Variants in CCND2 observed in about 807,000 individuals in gnomAD.
The protein encoded by CCND2 is cyclin D2.
In CCND2, 6 loss-of-function variants were observed where a neutral mutation model predicts 30.2. That is an observed-to-expected ratio of 0.20 (90% CI 0.11 to 0.39). The LOEUF (loss-of-function observed/expected upper bound fraction) is 0.39, where lower values mean the gene tolerates loss of function less well. CCND2 is among the 10% of genes least tolerant of loss of function. The pLI, the probability that CCND2 is intolerant of heterozygous loss-of-function variation, is 1.00. For missense variants in CCND2, 235 were observed against 373.4 expected (o/e 0.63, Z 3.06); for synonymous variants, 150 against 153.1 (o/e 0.98, Z 0.15).
intron 4 of CCND2, among the ~76,000 whole-genome samples, chr12:4,298,689 A>G (rs536661204): frequency 9.8e-4 from 150 of 152,388 alleles, no homozygotes; most frequent in Non-Finnish European, 1.6e-3. Flanking sequence ...GTTCAATTTA[A>G]CATATTTGCC....
chr12:4,293,351 T>C lies in CCND2; in HGVS notation c.720+4361T>C, dbSNP rs1272642817. On this transcript the variant is annotated intron_variant, in intron 4 of 4. Coordinates refer to ENST00000261254, the MANE Select transcript of CCND2 (RefSeq NM_001759.4). This position sits in a 1 kb window ranked among gnomAD's most constrained non-coding sequence, Gnocchi z 4.9. ...AGACTCTAGTCATCTGTTCCTTATA[T>C]TTATCCTTTTTTGTCTAAGTCACAT... is the stretch of plus-strand genomic sequence containing the variant. Among the ~76,000 whole-genome samples the C allele has an allele frequency of 6.6e-6, 1 of 152,244 alleles. No individual in the cohort carries two copies. The highest frequency in any genetic ancestry group is 1.9e-4 in the East Asian group (1 of 5,206).
chr12:4,274,314 G>A lies in CCND2; in HGVS notation c.195+79G>A. On this transcript the variant is annotated intron_variant, in intron 1 of 4. Transcript: ENST00000261254. This position sits in a 1 kb window ranked among gnomAD's most constrained non-coding sequence, Gnocchi z 7.7. ...TCCCCGGCCGGAGCCCTAAACCTGGGAGAGGGCAATCCCCGCGCCGGCCTC... is the reference window on the plus strand; with the variant it reads ...TCCCCGGCCGGAGCCCTAAACCTGGAAGAGGGCAATCCCCGCGCCGGCCTC... The A allele has an allele frequency of 2.0e-6, 3 of 1,481,488 alleles. No homozygotes were observed. Among genetic ancestry groups the A allele is most frequent in the Non-Finnish European group, 1.9e-6 (2 of 1,077,322 alleles). 91.8% of individuals were successfully genotyped at this position (1,481,488 alleles called of 1,614,324 possible). A position where few individuals can be genotyped will look rare whatever the true frequency, so the allele number is the denominator to read the frequency against.
chr12:4,277,564 T>C (rs1309563856), intron 2 of CCND2, among the ~76,000 whole-genome samples: 1 of 152,262 alleles, frequency 6.6e-6, no homozygotes, highest in Non-Finnish European at 1.5e-5. Context: ...CACCCAAATC[T>C]TTCCAGGACT....
rs951790727 is a variant in CCND2 at position 4,297,906 on chromosome 12, G to A, written c.721-1954G>A. The A allele has an allele frequency of 3.9e-5, 17 of 432,948 alleles. No homozygotes were observed. The East Asian group carries it at 4.2e-4, about 11-fold the overall frequency. The allele number at this position is 432,948 out of a possible 1,614,324, so 26.8% of individuals were successfully genotyped here. A position where few individuals can be genotyped will look rare whatever the true frequency, so the allele number is the denominator to read the frequency against. The stretch of plus-strand genomic sequence containing the variant: ...ACGGAGACTCCTGCTGCTGCGTCAC[G>A]TCTGTCATGTTCAGCACTCTTCCCA... On this transcript the variant is annotated intron_variant, in intron 4 of 4. Coordinates refer to ENST00000261254, the MANE Select transcript of CCND2 (RefSeq NM_001759.4).
rs1055695076 is a variant in CCND2 at position 4,293,553 on chromosome 12, G to A, written c.720+4563G>A. ...CCCAATAGGGAGTGTTTCAACTCTC[G>A]TCCCTGTCCCTAGACACATTCTTAA... On this transcript the variant is annotated intron_variant, in intron 4 of 4. Coordinates refer to ENST00000261254, the MANE Select transcript of CCND2 (RefSeq NM_001759.4). The surrounding 1 kb of genome is among the most constrained non-coding windows in gnomAD (Gnocchi z 4.9). 3.3e-5 allele frequency among the ~76,000 whole-genome samples: 5 copies of A among 152,154 alleles called. No homozygotes were observed. The highest frequency in any genetic ancestry group is 1.3e-4 in the Admixed American group (2 of 15,278).
At position 4,276,321 on chromosome 12, in the gene CCND2, C is replaced by G; in HGVS notation, c.411+101C>G. The stretch of plus-strand genomic sequence containing the variant: ...CACTGCCAGAGCAAATTCTTGGGAT[C>G]CAGAATGACCCCACCAATAGAATTT... On this transcript the variant is annotated intron_variant, in intron 2 of 4. Transcript: ENST00000261254. This position sits in a 1 kb window ranked among gnomAD's most constrained non-coding sequence, Gnocchi z 4.8. 1 of 895,018 alleles carries G rather than the reference C, an allele frequency of 1.1e-6. No homozygotes were observed. Among genetic ancestry groups the G allele is most frequent in the Non-Finnish European group, 1.7e-6 (1 of 578,562 alleles). 55.4% of individuals were successfully genotyped at this position (895,018 alleles called of 1,614,324 possible). A position where few individuals can be genotyped will look rare whatever the true frequency, so the allele number is the denominator to read the frequency against.
chr12:4,284,823 A>G (rs1256350119), intron 3 of CCND2, among the ~76,000 whole-genome samples: 4 of 149,446 alleles, frequency 2.7e-5, no homozygotes, highest in Middle Eastern at 3.4e-3. Context: ...GCAACCTCCA[A>G]CTCCCGGGTT....
rs1004230332 is a variant in CCND2, at chr12:4,287,685, C to T, written c.572-1157C>T. Among the ~76,000 whole-genome samples the T allele has an allele frequency of 1.3e-5, 2 of 152,192 alleles. No homozygotes were observed. Among genetic ancestry groups the T allele is most frequent in the Non-Finnish European group, 2.9e-5 (2 of 68,042 alleles). On this transcript the variant is annotated intron_variant, in intron 3 of 4. Coordinates refer to ENST00000261254, the MANE Select transcript of CCND2 (RefSeq NM_001759.4). The surrounding 1 kb of genome is among the most constrained non-coding windows in gnomAD (Gnocchi z 4.0). ...TCACCCATACCATTAGGGTGACGCT[C>T]GTGTGCATCTTCTGTGGCTGATGGG...
At chr12:4,297,510 G>T (rs1294694022) in intron 4 of CCND2, among the ~76,000 whole-genome samples, 1 of 140,954 alleles carries the variant, frequency 7.1e-6, no homozygotes, top group Non-Finnish European at 1.5e-5. Flanking sequence ...GGTGGAGGTT[G>T]CAGTGAGCCA....
chr12:4,275,395 A>G (rs909758182), intron 1 of CCND2: 3 of 151,368 alleles, frequency 2.0e-5, no homozygotes, highest in Non-Finnish European at 2.9e-5. Flanking sequence ...ATTTTTAATT[A>G]TTTTTTGAAA....
intron 3 of CCND2, among the ~76,000 whole-genome samples, chr12:4,281,331 A>T (rs918279048): frequency 6.6e-6 from 1 of 152,208 alleles, no homozygotes; most frequent in Non-Finnish European, 1.5e-5. Flanking sequence ...TCGGCCTCAC[A>T]GTACAAACAC....
chr12:4,304,881 C>T lies in CCND2; in HGVS notation c.*4872C>T, dbSNP rs1407204564. On this transcript the variant is annotated 3_prime_UTR_variant, in exon 5 of 5. Coordinates refer to ENST00000261254, the MANE Select transcript of CCND2 (RefSeq NM_001759.4). This position sits in a 1 kb window ranked among gnomAD's most constrained non-coding sequence, Gnocchi z 6.2. ...TTACATCCCCAGCAAATCATCGGGC[C>T]ATTGGATTTTTTCCATTATGTTCAT... 3 of 233,542 alleles carry T rather than the reference C, an allele frequency of 1.3e-5. No individual in the cohort carries two copies. The highest frequency in any genetic ancestry group is 1.2e-4 in the East Asian group (2 of 16,606). 14.5% of individuals were successfully genotyped at this position (233,542 alleles called of 1,614,324 possible). A position where few individuals can be genotyped will look rare whatever the true frequency, so the allele number is the denominator to read the frequency against.
chr12:4,292,191 A>G (rs1490275285), intron 4 of CCND2, among the ~76,000 whole-genome samples: 1 of 152,018 alleles, frequency 6.6e-6, no homozygotes, highest in Non-Finnish European at 1.5e-5. Flanking sequence ...ATATATATGT[A>G]TGTATGTATG....
At position 4,301,566 on chromosome 12, in the gene CCND2, A is replaced by G. The variant is rs1330312651; in HGVS notation, c.*1557A>G. The G allele has an allele frequency of 8.6e-6, 2 of 232,392 alleles. No homozygotes were observed. Among genetic ancestry groups the G allele is most frequent in the Non-Finnish European group, 1.7e-5 (2 of 117,538 alleles). 14.4% of individuals were successfully genotyped at this position (232,392 alleles called of 1,614,324 possible). On this transcript the variant is annotated 3_prime_UTR_variant, in exon 5 of 5. Coordinates refer to ENST00000261254, the MANE Select transcript of CCND2 (RefSeq NM_001759.4). ...TTAAGTAAAAAAGAAAAATCAGAAC[A>G]GGGCTATTTGAAGAATTATTTTATA...
At position 4,282,443 on chromosome 12, in the gene CCND2, C is replaced by T. The variant is rs1863961931; in HGVS notation, c.571+3524C>T. On this transcript the variant is annotated intron_variant, in intron 3 of 4. Transcript: ENST00000261254. The surrounding 1 kb of genome is among the most constrained non-coding windows in gnomAD (Gnocchi z 4.3). ...TTACCTACAGGTGTTCCCTCAGATT[C>T]CATCGCCAAGTGAGAGGGAGACAGT... Among the ~76,000 whole-genome samples, 1 of 152,206 alleles carries T rather than the reference C, an allele frequency of 6.6e-6. No homozygotes were observed. Among genetic ancestry groups the T allele is most frequent in the South Asian group, 2.1e-4 (1 of 4,822 alleles).
chr12:4,276,789 G>A lies in CCND2; in HGVS notation c.411+569G>A, dbSNP rs1591644097. Among the ~76,000 whole-genome samples the A allele has an allele frequency of 6.6e-6, 1 of 152,232 alleles. No homozygotes were observed. Among genetic ancestry groups the A allele is most frequent in the East Asian group, 1.9e-4 (1 of 5,202 alleles). ...TCCGAGGCCTGGGTTCCTACCTCCA[G>A]TGGGACTGTGACCTCTGTACAACCC... On this transcript the variant is annotated intron_variant, in intron 2 of 4. Transcript: ENST00000261254. This position sits in a 1 kb window ranked among gnomAD's most constrained non-coding sequence, Gnocchi z 4.8.
At position 4,282,665 on chromosome 12, in the gene CCND2, G is replaced by C. The variant is rs1243359296; in HGVS notation, c.571+3746G>C. 6.6e-6 allele frequency among the ~76,000 whole-genome samples: 1 copy of C among 152,208 alleles called. No homozygotes were observed. The highest frequency in any genetic ancestry group is 2.4e-5 in the African/African-American group (1 of 41,450). ...GGGACAAGCAGCCAGGCAGTGTGGT[G>C]CTTGCCATCGCTCTTCCCTCTGGCT... On this transcript the variant is annotated intron_variant, in intron 3 of 4. Transcript: ENST00000261254. The surrounding 1 kb of genome is among the most constrained non-coding windows in gnomAD (Gnocchi z 4.3).
Position 4,301,542 on chromosome 12 carries a change from T to C in CCND2, c.*1533T>C, listed in dbSNP as rs1293755515. On this transcript the variant is annotated 3_prime_UTR_variant, in exon 5 of 5. Transcript: ENST00000261254. ...CTATTTGTTAAAATATTTGCCTTTT[T>C]AAGTAAAAAAGAAAAATCAGAACAG... The C allele has an allele frequency of 4.3e-6, 1 of 232,900 alleles. No homozygotes were observed. The highest frequency in any genetic ancestry group is 2.2e-5 in the African/African-American group (1 of 45,266). 14.4% of individuals were successfully genotyped at this position (232,900 alleles called of 1,614,324 possible).
chr12:4,281,965 G>A (rs1048713860), intron 3 of CCND2, among the ~76,000 whole-genome samples: 2 of 151,168 alleles, frequency 1.3e-5, no homozygotes, highest in Non-Finnish European at 2.9e-5. Flanking sequence ...TGGGTTGGGC[G>A]GGGGATCTTC....
Sources: allele counts gnomAD v4.1 joint callset (sites outside exome capture counted in the v4.1 genomes callset), GRCh38; gene constraint gnomAD v4.1.1; non-coding constraint Gnocchi (gnomAD v3.1); transcripts MANE v1.5; gene names NCBI Gene and HGNC (gene_info 2026-07-23, HGNC 2026-07-21).